Variants in G3BP2 observed in about 807,000 individuals in gnomAD.
G3BP2 encodes the protein ras GTPase-activating protein-binding protein 2.
Under a neutral mutation model 56.7 loss-of-function variants are expected in G3BP2, and 11 were observed. The observed-to-expected ratio is 0.19, with a 90% CI of 0.12 to 0.32. The LOEUF is 0.32. Among genes scored for constraint, G3BP2 ranks in the 10% least tolerant of loss-of-function variants. The probability of loss-of-function intolerance (pLI) is 1.00; values close to 1 mark genes in which losing one functional copy is unlikely to be tolerated. For missense variants in G3BP2, 340 were observed against 610.9 expected (o/e 0.56, Z 4.67); for synonymous variants, 165 against 191.6 (o/e 0.86, Z 1.15).
At chr4:75,653,438 G>C (rs1203753150) in intron 8 of G3BP2, among the ~76,000 whole-genome samples, 2 of 151,818 alleles carry the variant, frequency 1.3e-5, no homozygotes, top group African/African-American at 4.8e-5. Flanking sequence ...ATGACAAACA[G>C]ACAAAAAGCA....
chr4:75,643,505 CA>C lies in G3BP2; in HGVS notation c.*1924del, dbSNP rs1731013776. 6.7e-6 allele frequency: 1 copy of C among 150,374 alleles called. No individual in the cohort carries two copies. The highest frequency in any genetic ancestry group is 1.5e-5 in the Non-Finnish European group (1 of 67,500). The allele number at this position is 150,374 out of a possible 1,614,324, so 9.3% of individuals were successfully genotyped here. Reference sequence around the variant, plus strand: ...AAAAAAAAAAAATCCTTAAGCCCCCCAAAAATGGAAACTATGAAAATCTGTG... The same window carrying C: ...AAAAAAAAAAAATCCTTAAGCCCCCCAAAATGGAAACTATGAAAATCTGTG... On this transcript the variant is annotated 3_prime_UTR_variant, in exon 12 of 12. Coordinates refer to ENST00000359707, the MANE Select transcript of G3BP2 (RefSeq NM_203505.3).
intron 1 of G3BP2, among the ~76,000 whole-genome samples, chr4:75,663,337 G>A (rs1033487922): frequency 1.2e-5 from 1 of 82,842 alleles, no homozygotes; most frequent in African/African-American, 4.7e-5. Context: ...GCTCACTGCA[G>A]CCTCAACTGC....
chr4:75,643,591 A>AG lies in G3BP2; in HGVS notation c.*1838dup, dbSNP rs919853910. 25 of 152,390 alleles carry AG rather than the reference A, an allele frequency of 1.6e-4. No homozygotes were observed. Among genetic ancestry groups the AG allele is most frequent in the African/African-American group, 5.8e-4 (24 of 41,382 alleles). The allele number at this position is 152,390 out of a possible 1,614,324, so 9.4% of individuals were successfully genotyped here. On this transcript the variant is annotated 3_prime_UTR_variant, in exon 12 of 12. Coordinates refer to ENST00000359707, the MANE Select transcript of G3BP2 (RefSeq NM_203505.3). ...CTCAAACATGGAAGACCTCATTCAA[A>AG]GGGGGAAAAAGGGACAGATTTTACT...
intron 6 of G3BP2, 114 bp from the exon 7 acceptor site, chr4:75,655,360 T>C: frequency 1.3e-6 from 1 of 764,576 alleles, no homozygotes; most frequent in South Asian, 1.6e-5. Context: ...GTTCTAGATC[T>C]ACAAAGTATT....
chr4:75,676,893 C>A (rs1046569561), upstream of G3BP2, among the ~76,000 whole-genome samples: 4 of 152,090 alleles, frequency 2.6e-5, no homozygotes, highest in African/African-American at 9.7e-5. Context: ...CTATTACTTC[C>A]ATTTCTTTTC....
chr4:75,691,585 C>T (rs1294508121), intron 3 of G3BP2, among the ~76,000 whole-genome samples: 6 of 152,190 alleles, frequency 3.9e-5, no homozygotes, highest in Non-Finnish European at 8.8e-5. Context: ...CCCCCACCCC[C>T]GACCTCCACC....
At chr4:75,655,383 C>A in intron 6 of G3BP2, 137 bp from the exon 7 acceptor site, 5 of 662,390 alleles carry the variant, frequency 7.5e-6, no homozygotes, top group Admixed American at 3.1e-5. Context: ...AAGCAAAATT[C>A]CAAAAAGAGC....
intron 3 of G3BP2, among the ~76,000 whole-genome samples, chr4:75,688,943 T>TA (rs1231295920): frequency 6.6e-6 from 1 of 152,188 alleles, no homozygotes; most frequent in African/African-American, 2.4e-5. Context: ...CTTGTAGGTG[T>TA]AAAAACACTA....
chr4:75,666,750 T>C (rs536763985), intron 1 of G3BP2, among the ~76,000 whole-genome samples: 123 of 152,324 alleles, frequency 8.1e-4, no homozygotes, highest in African/African-American at 2.9e-3. Flanking sequence ...GAAGAAAGAA[T>C]TGTGCCATTT....
chr4:75,717,308 T>C (rs1280779967), intron 3 of G3BP2, among the ~76,000 whole-genome samples: 1 of 152,104 alleles, frequency 6.6e-6, no homozygotes, highest in South Asian at 2.1e-4. Flanking sequence ...GGTGTGGTAG[T>C]GCACACCTGT....
At chr4:75,691,069 T>C (rs913824993) in intron 3 of G3BP2, among the ~76,000 whole-genome samples, 1 of 151,986 alleles carries the variant, frequency 6.6e-6, no homozygotes, top group African/African-American at 2.4e-5. Flanking sequence ...CAAATGTACA[T>C]TTTGTTTCAT....
chr4:75,656,287 C>T (rs945238946), intron 5 of G3BP2, among the ~76,000 whole-genome samples: 48 of 119,584 alleles, frequency 4.0e-4, no homozygotes, highest in African/African-American at 1.0e-3. Flanking sequence ...CCACCGCGCT[C>T]GGCTCCAATT....
intron 3 of G3BP2, among the ~76,000 whole-genome samples, chr4:75,708,219 C>T (rs1719625951): frequency 6.6e-6 from 1 of 152,136 alleles, no homozygotes; most frequent in Non-Finnish European, 1.5e-5. Flanking sequence ...TAGGTGAATA[C>T]CCTTCTTCCC....
intron 9 of G3BP2, among the ~76,000 whole-genome samples, chr4:75,648,363 AAC>A (rs1731398382): frequency 3.1e-5 from 1 of 32,080 alleles, no homozygotes; most frequent in Admixed American, 3.6e-4. Flanking sequence ...AAAACAAACA[AAC>A]AAAAAAAAAA....
chr4:75,648,882 G>GA (rs1731449527), intron 8 of G3BP2, 141 bp from the exon 9 acceptor site: 2 of 544,930 alleles, frequency 3.7e-6, no homozygotes, highest in Admixed American at 5.9e-5. Flanking sequence ...CTATGTATGA[G>GA]AAAAATAAAT....
In G3BP2 at chr4:75,658,964, G is replaced by C. The variant is rs3733232; in HGVS notation, c.96-40C>G. ...TTAATGATTAACACTGAATTGTCAA[G>C]AGAAGCCTAAGAAGCAGAATTCTGG... On this transcript the variant is annotated intron_variant, in intron 2 of 11. Coordinates refer to ENST00000359707, the MANE Select transcript of G3BP2 (RefSeq NM_203505.3). 2.0e-3 allele frequency: 2,915 copies of C among 1,447,194 alleles called. 52 individuals are homozygous for C. In the East Asian group the frequency reaches 0.042, roughly 21 times the overall value. 89.6% of individuals were successfully genotyped at this position (1,447,194 alleles called of 1,614,324 possible). A position where few individuals can be genotyped will look rare whatever the true frequency, so the allele number is the denominator to read the frequency against.
chr4:75,654,687 CTTCTT>C (rs1232118224), intron 7 of G3BP2, among the ~76,000 whole-genome samples: 2 of 152,184 alleles, frequency 1.3e-5, no homozygotes, highest in African/African-American at 4.8e-5. Flanking sequence ...ACAGGTATCT[CTTCTT>C]TTAATTATAG....
chr4:75,697,657 G>A (rs1719179484), intron 3 of G3BP2, among the ~76,000 whole-genome samples: 1 of 152,168 alleles, frequency 6.6e-6, no homozygotes, highest in African/African-American at 2.4e-5. Context: ...ATACAGGCCA[G>A]GTGCAGTGTC....
At chr4:75,719,347 CAAAAAA>C (rs55689229) in intron 3 of G3BP2, among the ~76,000 whole-genome samples, 1 of 86,982 alleles carries the variant, frequency 1.1e-5, no homozygotes, top group Non-Finnish European at 2.2e-5. Context: ...GACTCCGTCT[CAAAAAA>C]AAAAAAAAAA....
Sources: gnomAD v4.1 joint callset for allele counts (sites outside exome capture counted in the v4.1 genomes callset) on GRCh38, gnomAD v4.1.1 for gene constraint, MANE v1.5 for transcripts, NCBI Gene and HGNC (gene_info 2026-07-23, HGNC 2026-07-21) for gene names.